Variants in PGA3 observed in about 807,000 individuals in gnomAD.
PGA3 encodes pepsin A-3.
Under a neutral mutation model 15.6 loss-of-function variants are expected in PGA3, and 1 was observed. That is an observed-to-expected ratio of 0.06 (90% confidence interval 0.02 to 0.30). The LOEUF is 0.30. Among genes scored for constraint, PGA3 ranks in the 10% least tolerant of loss-of-function variants. The pLI is 1.00. For missense variants in PGA3, 29 were observed against 183.7 expected (o/e 0.16, Z 4.87); for synonymous variants, 14 against 79.5 (o/e 0.18, Z 4.38).
At chr11:61,206,025 C>A (rs1853924002) in intron 2 of PGA3, 1 of 161,342 alleles carries the variant, frequency 6.2e-6, no homozygotes, top group East Asian at 9.9e-5. Context: ...TCTGGCAATG[C>A]CCTTTCTCAA....
At position 61,203,557 on chromosome 11, in the gene PGA3, G is replaced by C. The variant is rs759251321; in HGVS notation, c.-8G>C. ...CCTTCTCCCTCGAGTTGGGACCCGG[G>C]AAGAACCATGAAGTGGCTGCTGCTG... On this transcript the variant is annotated 5_prime_UTR_variant, in exon 1 of 9. Coordinates refer to ENST00000325558, the MANE Select transcript of PGA3 (RefSeq NM_001079807.4). 3.1e-6 allele frequency: 5 copies of C among 1,611,510 alleles called. No individual in the cohort carries two copies. The highest frequency in any genetic ancestry group is 2.2e-5 in the East Asian group (1 of 44,908).
chr11:61,203,521 C>T lies in PGA3; in HGVS notation c.-44C>T, dbSNP rs1379053616. ...GCTCATGCTGCTGCTCTGCACCTTC[C>T]TCCCGTCTTGCCTTCTCCCTCGAGT... On this transcript the variant is annotated 5_prime_UTR_variant, in exon 1 of 9. Coordinates refer to ENST00000325558, the MANE Select transcript of PGA3 (RefSeq NM_001079807.4). 1.9e-6 allele frequency: 3 copies of T among 1,611,802 alleles called. No individual in the cohort carries two copies. Among genetic ancestry groups the T allele is most frequent in the Non-Finnish European group, 2.5e-6 (3 of 1,179,634 alleles).
chr11:61,204,606 C>A, intron 2 of PGA3: 1 of 560,444 alleles, frequency 1.8e-6, no homozygotes, highest in Non-Finnish European at 3.1e-6. Context: ...ATGAAAGGAA[C>A]AGGCAGCAGG....
rs756250788 is a variant in PGA3 at position 61,203,592 on chromosome 11, G to C, written c.28G>C (p.Val10Leu). 5 of 1,607,724 alleles carry C rather than the reference G, an allele frequency of 3.1e-6. No homozygotes were observed. In the Admixed American group the frequency reaches 5.0e-5, roughly 16 times the overall value. The change falls in exon 1 of 9, where the codon GTG (valine) becomes CTG (leucine). Residue 10 changes from valine (V) to leucine (L), a missense_variant. Coordinates refer to ENST00000325558, the MANE Select transcript of PGA3 (RefSeq NM_001079807.4). Reference protein sequence around the residue: MKWLLLLGLVALSECIMYKV... With the variant: MKWLLLLGLLALSECIMYKV... ...GAAGTGGCTGCTGCTGCTGGGTCTG[G>C]TGGCACTCTCTGAGTGCATCATGTA... is the stretch of plus-strand genomic sequence containing the variant.
chr11:61,205,714 G>A (rs1282731883), intron 2 of PGA3: 2 of 133,670 alleles, frequency 1.5e-5, no homozygotes, highest in African/African-American at 2.7e-5. Flanking sequence ...GAACAGAGCC[G>A]GCAGGGGGAA....
chr11:61,204,825 CG>C, intron 2 of PGA3: 1 of 165,728 alleles, frequency 6.0e-6, no homozygotes, highest in African/African-American at 2.4e-5. Context: ...CTGCAGACTG[CG>C]GTCCGAGGAG....
In PGA3 at chr11:61,203,516, C is replaced by T. The variant is rs1250805144; in HGVS notation, c.-49C>T. On this transcript the variant is annotated 5_prime_UTR_variant, in exon 1 of 9. Coordinates refer to ENST00000325558, the MANE Select transcript of PGA3 (RefSeq NM_001079807.4). ...GGGCAGCTCATGCTGCTGCTCTGCA[C>T]CTTCCTCCCGTCTTGCCTTCTCCCT... 2 of 1,611,088 alleles carry T rather than the reference C, an allele frequency of 1.2e-6. No individual in the cohort carries two copies. The highest frequency in any genetic ancestry group is 2.7e-5 in the African/African-American group (2 of 74,820).
At position 61,206,057 on chromosome 11, in the gene PGA3, C is replaced by T. The variant is rs148550244; in HGVS notation, c.220-453C>T. 141 of 240,154 alleles carry T rather than the reference C, an allele frequency of 5.9e-4. 4 individuals are homozygous for T. The highest frequency in any genetic ancestry group is 9.6e-4 in the Admixed American group (18 of 18,662). 14.9% of individuals were successfully genotyped at this position (240,154 alleles called of 1,614,324 possible). On this transcript the variant is annotated intron_variant, in intron 2 of 8. Coordinates refer to ENST00000325558, the MANE Select transcript of PGA3 (RefSeq NM_001079807.4). ...TCAAAACCTGCTGTACACATCTAGA[C>T]GTAGAAATAAGAAAACTGGACAGGT...
chr11:61,211,302 AC>A, intron 7 of PGA3, 34 bp from the exon 8 acceptor site: 1 of 863,146 alleles, frequency 1.2e-6, no homozygotes, highest in Non-Finnish European at 1.9e-6. Flanking sequence ...AGGGACAGAA[AC>A]CCTTCTAACT....
At chr11:61,204,901 A>C (rs1198337206) in intron 2 of PGA3, among the ~76,000 whole-genome samples, 2 of 152,214 alleles carry the variant, frequency 1.3e-5, no homozygotes, top group African/African-American at 4.8e-5. Context: ...CAGGGGTGTG[A>C]CAAGATCAGA....
chr11:61,211,294 G>A, intron 7 of PGA3, 43 bp from the exon 8 acceptor site: 1 of 818,804 alleles, frequency 1.2e-6, no homozygotes, highest in Non-Finnish European at 2.0e-6. Flanking sequence ...CAGGCAGAAG[G>A]GACAGAAACC....
chr11:61,203,782 G>T, intron 1 of PGA3, 162 bp downstream of exon 1: 3 of 1,208,324 alleles, frequency 2.5e-6, no homozygotes, highest in Non-Finnish European at 3.6e-6. Flanking sequence ...CTGCAGACAT[G>T]GTTAAAACTC....
At chr11:61,204,965 C>A (rs1343495456) in intron 2 of PGA3, among the ~76,000 whole-genome samples, 2 of 152,330 alleles carry the variant, frequency 1.3e-5, no homozygotes, top group South Asian at 2.1e-4. Context: ...CGATAGCAAA[C>A]ACCCTGCCCT....
At chr11:61,204,841 G>C (rs1853905230) in intron 2 of PGA3, 1 of 165,496 alleles carries the variant, frequency 6.0e-6, no homozygotes, top group Non-Finnish European at 1.3e-5. Context: ...GAGGAGCCGA[G>C]GGGTGGACGC....
chr11:61,207,380 GT>G lies in PGA3; in HGVS notation c.338-116del. 3 of 1,305,646 alleles carry G rather than the reference GT, an allele frequency of 2.3e-6. 1 individual carries two copies. The highest frequency in any genetic ancestry group is 3.3e-6 in the Non-Finnish European group (3 of 904,522). The allele number at this position is 1,305,646 out of a possible 1,614,324, so 80.9% of individuals were successfully genotyped here. A position where few individuals can be genotyped will look rare whatever the true frequency, so the allele number is the denominator to read the frequency against. On this transcript the variant is annotated intron_variant, in intron 3 of 8. Transcript: ENST00000325558. ...GGGCTCCAAGGGTCTAGGGCGAAAG[GT>G]CACTGCTCACCTCCAGAGCCCGTCC... is the stretch of plus-strand genomic sequence containing the variant.
intron 2 of PGA3, among the ~76,000 whole-genome samples, chr11:61,205,135 A>G (rs1727991198): frequency 6.6e-6 from 1 of 151,994 alleles, no homozygotes; most frequent in South Asian, 2.1e-4. Context: ...AGTCATTTAA[A>G]TACTCTGAGC....
chr11:61,206,005 G>A (rs1439879360), intron 2 of PGA3: 7 of 147,000 alleles, frequency 4.8e-5, no homozygotes, highest in East Asian at 1.2e-4. Flanking sequence ...CAAAAAAAAA[G>A]AATAAAAATT....
At position 61,203,595 on chromosome 11, in the gene PGA3, G is replaced by A. The variant is rs777654861; in HGVS notation, c.31G>A (p.Ala11Thr). 2.1e-5 allele frequency: 33 copies of A among 1,607,704 alleles called. No homozygotes were observed. Among genetic ancestry groups the A allele is most frequent in the Non-Finnish European group, 2.6e-5 (31 of 1,177,186 alleles). The stretch of plus-strand genomic sequence containing the variant: ...GTGGCTGCTGCTGCTGGGTCTGGTG[G>A]CACTCTCTGAGTGCATCATGTACAA... MKWLLLLGLV[A>T]LSECIMYKVP... The change falls in exon 1 of 9, where the codon GCA becomes ACA. Residue 11 changes from alanine (A) to threonine (T), a missense_variant. Coordinates refer to ENST00000325558, the MANE Select transcript of PGA3 (RefSeq NM_001079807.4).
intron 2 of PGA3, among the ~76,000 whole-genome samples, chr11:61,204,960 G>A (rs1382794716): frequency 6.6e-6 from 1 of 152,196 alleles, no homozygotes; most frequent in African/African-American, 2.4e-5. Flanking sequence ...AGATCCGATA[G>A]CAAACACCCT....
Sources: allele counts gnomAD v4.1 joint callset (sites outside exome capture counted in the v4.1 genomes callset), GRCh38; gene constraint gnomAD v4.1.1; transcripts MANE v1.5; gene names NCBI Gene and HGNC (gene_info 2026-07-23, HGNC 2026-07-21).